The following SGIP1 variants were observed in gnomAD, a reference collection of about 807,000 sequenced individuals.
SGIP1 encodes the protein SH3GL interacting endocytic adaptor 1, also known as SH3-containing GRB2-like protein 3-interacting protein 1.
SGIP1 carries 38 observed loss-of-function variants against 107.5 expected under a neutral mutation model. The ratio of observed to expected loss-of-function variants is 0.35; its 90% CI spans 0.27 to 0.46. The LOEUF (loss-of-function observed/expected upper bound fraction) is 0.46. Among genes scored for constraint, SGIP1 ranks in the 20% least tolerant of loss-of-function variants. The probability of loss-of-function intolerance (pLI) is 1.00; values close to 1 mark genes in which losing one functional copy is unlikely to be tolerated. For missense variants in SGIP1, 929 were observed against 1,019.5 expected (o/e 0.91, Z 1.21); for synonymous variants, 365 against 366.1 (o/e 1.00, Z 0.03).
At chr1:66,642,695 C>A (rs766653169) in intron 5 of SGIP1, 115 bp from the exon 6 acceptor site, 26 of 776,908 alleles carry the variant, frequency 3.3e-5, no homozygotes, top group Non-Finnish European at 4.7e-5. Context: ...GTAAAAACTT[C>A]ATCTCCTAAA....
chr1:66,553,866 T>TG (rs1267175187), intron 1 of SGIP1, among the ~76,000 whole-genome samples: 1 of 152,120 alleles, frequency 6.6e-6, no homozygotes, highest in African/African-American at 2.4e-5. Context: ...ACAATGATGT[T>TG]GGAGTTTCCT....
intron 15 of SGIP1, among the ~76,000 whole-genome samples, chr1:66,685,415 G>A (rs2150042808): frequency 6.6e-6 from 1 of 152,316 alleles, no homozygotes; most frequent in Admixed American, 6.5e-5. Context: ...TACTTTACTG[G>A]AATGCTGGTT....
intron 1 of SGIP1, among the ~76,000 whole-genome samples, chr1:66,535,578 A>G (rs1013658465): frequency 1.3e-5 from 2 of 152,138 alleles, no homozygotes; most frequent in African/African-American, 4.8e-5. Flanking sequence ...GATTTGGGGG[A>G]GTGAAGAATT....
chr1:66,660,003 AC>A lies in SGIP1; in HGVS notation c.460-509del, dbSNP rs764011441. 73 of 56,424 alleles carry A rather than the reference AC, an allele frequency of 1.3e-3. 4 individuals are homozygous for A. The East Asian group carries it at 0.043, about 34-fold the overall frequency. The allele number at this position is 56,424 out of a possible 1,614,324, so 3.5% of individuals were successfully genotyped here. On this transcript the variant is annotated intron_variant, in intron 7 of 24. Transcript: ENST00000371037. ...GAAAGAAAGAAAGAAAGAAAGACAG[AC>A]AGACAGACAGACAGGAAGGAAGGAA... is the stretch of plus-strand genomic sequence containing the variant.
intron 2 of SGIP1, among the ~76,000 whole-genome samples, chr1:66,626,921 CT>C (rs35346956): frequency 0.23 from 35,700 of 152,006 alleles, 4,925 homozygotes; most frequent in African/African-American, 0.38. Flanking sequence ...TCACCTTTAG[CT>C]TTTCATTCTG....
At chr1:66,591,627 G>T (rs1570219654) in intron 1 of SGIP1, among the ~76,000 whole-genome samples, 2 of 152,182 alleles carry the variant, frequency 1.3e-5, no homozygotes, top group Non-Finnish European at 2.9e-5. Context: ...ACAAGAGACT[G>T]AGAAAAGAAA....
intron 3 of SGIP1, 110 bp downstream of exon 3, chr1:66,633,204 C>A (rs1328058378): frequency 4.2e-6 from 3 of 721,860 alleles, no homozygotes; most frequent in African/African-American, 1.8e-5. Flanking sequence ...GCTTGAATGA[C>A]TTTTTGGACC....
chr1:66,729,840 T>G (rs1245939753), intron 20 of SGIP1, among the ~76,000 whole-genome samples: 2 of 152,210 alleles, frequency 1.3e-5, no homozygotes, highest in Admixed American at 6.5e-5. Flanking sequence ...CTTGCTCTGT[T>G]GCCTAGGCTG....
At chr1:66,634,076 T>A (rs1274966301) in intron 3 of SGIP1, 1 of 1,602,180 alleles carries the variant, frequency 6.2e-7, no homozygotes, top group Non-Finnish European at 8.5e-7. Context: ...AAGGCTCTAT[T>A]CAGCAGGGGA....
At chr1:66,589,182 A>G (rs201004951) in intron 1 of SGIP1, among the ~76,000 whole-genome samples, 1 of 41,494 alleles carries the variant, frequency 2.4e-5, no homozygotes, top group African/African-American at 1.6e-4. Flanking sequence ...ATATATATAT[A>G]TATATATATA....
chr1:66,682,465 A>C, intron 15 of SGIP1, 96 bp downstream of exon 15: 1 of 1,469,986 alleles, frequency 6.8e-7, no homozygotes, highest in South Asian at 1.4e-5. Flanking sequence ...AGCTGGCTTC[A>C]GAGCTTCAGC....
chr1:66,689,182 G>A lies in SGIP1; in HGVS notation c.1350G>A (p.Leu450=). The A allele has an allele frequency of 6.2e-7, 1 of 1,613,590 alleles. No homozygotes were observed. Among genetic ancestry groups the A allele is most frequent in the Non-Finnish European group, 8.5e-7 (1 of 1,179,752 alleles). The change falls in exon 16 of 25, where the codon TTG becomes TTA. Residue 450 remains leucine, a synonymous_variant. Transcript: ENST00000371037. ...ASSPARPATP[L]VPCRSTTPPP... is the part of the protein sequence containing the mutation. The stretch of plus-strand genomic sequence containing the variant: ...CCCCTGCTCGACCAGCCACTCCTTT[G>A]GTTCCTTGCAGAAGTACCACTCCAC...
chr1:66,713,531 A>G (rs1572151862), intron 18 of SGIP1, among the ~76,000 whole-genome samples: 1 of 152,164 alleles, frequency 6.6e-6, no homozygotes, highest in Admixed American at 6.6e-5. Flanking sequence ...TACTGCCTCC[A>G]TTGAATTCTT....
intron 1 of SGIP1, among the ~76,000 whole-genome samples, chr1:66,544,528 A>G (rs1428657046): frequency 6.6e-6 from 1 of 152,162 alleles, no homozygotes; most frequent in Non-Finnish European, 1.5e-5. Flanking sequence ...CTCTACTAAA[A>G]TTACAAAAAA....
At chr1:66,587,027 G>A (rs2062733453) in intron 1 of SGIP1, among the ~76,000 whole-genome samples, 1 of 151,940 alleles carries the variant, frequency 6.6e-6, no homozygotes, top group Admixed American at 6.6e-5. Context: ...CTTTCCTCTA[G>A]TCTCCACAGT....
At chr1:66,620,534 A>AAGAGAGAC (rs146549750) in intron 1 of SGIP1, among the ~76,000 whole-genome samples, 1 of 152,088 alleles carries the variant, frequency 6.6e-6, no homozygotes, top group South Asian at 2.1e-4. Flanking sequence ...GGCAGCAGAG[A>AAGAGAGAC]AGAGAGACAG....
At chr1:66,630,043 A>G (rs923221518) in intron 2 of SGIP1, among the ~76,000 whole-genome samples, 2 of 152,184 alleles carry the variant, frequency 1.3e-5, no homozygotes, top group Admixed American at 6.5e-5. Flanking sequence ...GGTTGATCCC[A>G]TGCAGTCTGG....
Position 66,677,103 on chromosome 1 carries a change from T to C in SGIP1, c.739+7T>C. 1 of 1,608,622 alleles carries C rather than the reference T, an allele frequency of 6.2e-7. No homozygotes were observed. Among genetic ancestry groups the C allele is most frequent in the South Asian group, 1.1e-5 (1 of 90,844 alleles). On this transcript the variant is annotated splice_region_variant and intron_variant, in intron 13 of 24. Transcript: ENST00000371037. ...AGGCCTTTTCCCACTGGAAGTAAGT[T>C]ATGTGTCTGCTCTGTCTGGAAAAAT...
rs916724980 is a variant in SGIP1 at position 66,639,381 on chromosome 1, T to C, written c.172-396T>C. Among the ~76,000 whole-genome samples, 9 of 152,344 alleles carry C rather than the reference T, an allele frequency of 5.9e-5. No individual in the cohort carries two copies. In the East Asian group the frequency reaches 1.7e-3, roughly 29 times the overall value. On this transcript the variant is annotated intron_variant, in intron 4 of 24. Coordinates refer to ENST00000371037, the MANE Select transcript of SGIP1 (RefSeq NM_032291.4). ...TTTGAATATGTTGTAACTAATTGTA[T>C]ATAATAGCAGCATGGAGGTAAAAGT...
Sources: allele counts gnomAD v4.1 joint callset (sites outside exome capture counted in the v4.1 genomes callset), GRCh38; gene constraint gnomAD v4.1.1; transcripts MANE v1.5; gene names NCBI Gene and HGNC (gene_info 2026-07-23, HGNC 2026-07-21).